Variants in TUBA8 observed in about 807,000 individuals in gnomAD.
TUBA8 encodes tubulin alpha 8.
TUBA8 carries 29 observed loss-of-function variants against 34.7 expected under a neutral mutation model. The ratio of observed to expected loss-of-function variants is 0.84; its 90% CI spans 0.62 to 1.14. The LOEUF (loss-of-function observed/expected upper bound fraction) is 1.14, where lower values mean the gene tolerates loss of function less well. Ranked by LOEUF, TUBA8 falls within the 50% of genes most tolerant of loss-of-function variation. The pLI is 0.00. For missense variants in TUBA8, 541 were observed against 599.2 expected, an observed-to-expected ratio of 0.90 and a Z score of 1.01; for synonymous variants, 226 against 231.2, an observed-to-expected ratio of 0.98 and a Z score of 0.21.
intron 4 of TUBA8, chr22:18,127,258 T>C: frequency 1.8e-6 from 1 of 553,254 alleles, no homozygotes. Context: ...TATTTTAAAT[T>C]GATTAATTGG....
At position 18,126,283 on chromosome 22, in the gene TUBA8, T is replaced by C; in HGVS notation, c.376-71T>C. 2 of 1,479,602 alleles carry C rather than the reference T, an allele frequency of 1.4e-6. No individual in the cohort carries two copies. Among genetic ancestry groups the C allele is most frequent in the Non-Finnish European group, 1.9e-6 (2 of 1,059,418 alleles). The allele number at this position is 1,479,602 out of a possible 1,614,324, so 91.7% of individuals were successfully genotyped here. ...TATGAGGCAGACAGAGTGGGCGGTC[T>C]GGCTTTTTTACTGTGGGGTGTTCTC... On this transcript the variant is annotated intron_variant, in intron 3 of 4. Coordinates refer to ENST00000330423, the MANE Select transcript of TUBA8 (RefSeq NM_018943.3). The surrounding 1 kb of genome is among the most constrained non-coding windows in gnomAD (Gnocchi z 4.0).
chr22:18,127,325 A>G (rs1323478855), intron 4 of TUBA8: 2 of 390,782 alleles, frequency 5.1e-6, no homozygotes, highest in African/African-American at 2.0e-5. Flanking sequence ...TATTGGCCCA[A>G]ATCTACTCAC....
Position 18,126,904 on chromosome 22 carries a change from A to AT in TUBA8, c.927dup (p.Gly310TrpfsTer111). 1.2e-6 allele frequency: 2 copies of AT among 1,612,218 alleles called. No homozygotes were observed. The highest frequency in any genetic ancestry group is 2.2e-5 in the South Asian group (2 of 90,832). Reference sequence around the variant, plus strand: ...CAGATGGTGAAGTGCGACCCGAGACATGGCAAGTACATGGCCTGCTGCATG... The same window carrying AT: ...CAGATGGTGAAGTGCGACCCGAGACATTGGCAAGTACATGGCCTGCTGCATG... On this transcript the variant is annotated frameshift_variant, in exon 4 of 5. Coordinates refer to ENST00000330423, the MANE Select transcript of TUBA8 (RefSeq NM_018943.3). LOFTEE classifies it high-confidence loss of function. The surrounding 1 kb of genome is among the most constrained non-coding windows in gnomAD (Gnocchi z 4.0).
chr22:18,126,663 C>T lies in TUBA8; in HGVS notation c.685C>T (p.Arg229Cys), dbSNP rs368024462. 22 of 1,614,058 alleles carry T rather than the reference C, an allele frequency of 1.4e-5. No homozygotes were observed. Among genetic ancestry groups the T allele is most frequent in the Middle Eastern group, 1.6e-4 (1 of 6,084 alleles). Residue 229 changes from arginine to cysteine, a missense_variant, in exon 4 of 5, where the codon CGC (arginine) becomes TGC (cysteine). Transcript: ENST00000330423. This position sits in a 1 kb window ranked among gnomAD's most constrained non-coding sequence, Gnocchi z 4.0. ...IERPTYTNLN[R>C]LISQIVSSIT... ...GCGCCCTACCTATACCAACCTCAAC[C>T]GCCTCATCAGTCAGATTGTGTCCTC...
chr22:18,115,107 G>C (rs540808854), intron 1 of TUBA8: 17 of 152,398 alleles, frequency 1.1e-4, no homozygotes, highest in Non-Finnish European at 2.1e-4. Flanking sequence ...ACAGGGCAGT[G>C]GCTCCCCAGG....
intron 4 of TUBA8, chr22:18,127,349 CTTTTGGTGTTCA>C: frequency 3.8e-6 from 1 of 260,838 alleles, no homozygotes; most frequent in Non-Finnish European, 7.1e-6. Context: ...AAGTACAGTG[CTTTTGGTGTTCA>C]TGATTTGGTT....
Position 18,121,832 on chromosome 22 carries a change from G to A in TUBA8, c.226+131G>A, listed in dbSNP as rs7289993. ...GTGCAACCGCAGCCTCCCACCCCAC[G>A]TGACATCTGTCAGCTCCTTGGGGTC... On this transcript the variant is annotated intron_variant, in intron 2 of 4. Coordinates refer to ENST00000330423, the MANE Select transcript of TUBA8 (RefSeq NM_018943.3). The surrounding 1 kb of genome is among the most constrained non-coding windows in gnomAD (Gnocchi z 4.8). The A allele has an allele frequency of 2.1e-3, 1,736 of 821,284 alleles. 14 individuals carry two copies. Among genetic ancestry groups the A allele is most frequent in the Middle Eastern group, 7.4e-3 (22 of 2,974 alleles). The allele number at this position is 821,284 out of a possible 1,614,324, so 50.9% of individuals were successfully genotyped here.
chr22:18,120,099 ACTGT>A (rs1436163494), intron 1 of TUBA8: 5 of 152,252 alleles, frequency 3.3e-5, no homozygotes, highest in African/African-American at 4.8e-5. Flanking sequence ...ACACACACAC[ACTGT>A]CTCTCTCCCC....
rs748848059 is a variant in TUBA8 at position 18,126,845 on chromosome 22, C to T, written c.867C>T (p.Ala289=). 14 of 1,612,356 alleles carry T rather than the reference C, an allele frequency of 8.7e-6. No homozygotes were observed. The highest frequency in any genetic ancestry group is 2.7e-5 in the African/African-American group (2 of 74,880). ...CCTATCACGAACAGCTCTCTGTGGC[C>T]GAGATAACCAGCTCCTGCTTTGAGC... is the stretch of plus-strand genomic sequence containing the variant. ...EKAYHEQLSV[A]EITSSCFEPN... is the part of the protein sequence containing the mutation. The change falls in exon 4 of 5, where the codon GCC becomes GCT. Residue 289 remains alanine (A), a synonymous_variant. Transcript: ENST00000330423. The surrounding 1 kb of genome is among the most constrained non-coding windows in gnomAD (Gnocchi z 4.0).
chr22:18,131,266 C>G lies in TUBA8; in HGVS notation c.*130C>G. 1 of 1,017,372 alleles carries G rather than the reference C, an allele frequency of 9.8e-7. No individual in the cohort carries two copies. Among genetic ancestry groups the G allele is most frequent in the Non-Finnish European group, 1.5e-6 (1 of 676,486 alleles). The allele number at this position is 1,017,372 out of a possible 1,614,324, so 63.0% of individuals were successfully genotyped here. On this transcript the variant is annotated 3_prime_UTR_variant, in exon 5 of 5. Coordinates refer to ENST00000330423, the MANE Select transcript of TUBA8 (RefSeq NM_018943.3). The surrounding 1 kb of genome is among the most constrained non-coding windows in gnomAD (Gnocchi z 5.3). ...TTACCCAGGAGGAGGGTGCCTGGCC[C>G]CAGTACCCAGGGTGGCACGACTGGG...
intron 1 of TUBA8, chr22:18,114,026 T>C (rs563175966): frequency 8.0e-6 from 1 of 125,766 alleles, no homozygotes; most frequent in South Asian, 2.5e-4. Context: ...GGGCCAGTGA[T>C]GGGGGTGGGC....
rs369904507 is a variant in TUBA8 at position 18,126,860 on chromosome 22, C to G, written c.882C>G (p.Ser294=). 1.6e-5 allele frequency: 26 copies of G among 1,611,878 alleles called. No individual in the cohort carries two copies. Among genetic ancestry groups the G allele is most frequent in the Non-Finnish European group, 2.2e-5 (26 of 1,178,766 alleles). The change falls in exon 4 of 5, where the codon TCC becomes TCG. Residue 294 remains serine (S), a synonymous_variant. Transcript: ENST00000330423. This position sits in a 1 kb window ranked among gnomAD's most constrained non-coding sequence, Gnocchi z 4.0. ...EQLSVAEITS[S]CFEPNSQMVK... is the part of the protein sequence containing the mutation. Reference sequence around the variant, plus strand: ...TCTCTGTGGCCGAGATAACCAGCTCCTGCTTTGAGCCCAACAGCCAGATGG... The same window carrying G: ...TCTCTGTGGCCGAGATAACCAGCTCGTGCTTTGAGCCCAACAGCCAGATGG...
At position 18,124,246 on chromosome 22, in the gene TUBA8, G is replaced by C; in HGVS notation, c.317G>C (p.Gly106Ala). The C allele has an allele frequency of 6.2e-7, 1 of 1,614,174 alleles. No individual in the cohort carries two copies. Among genetic ancestry groups the C allele is most frequent in the Non-Finnish European group, 8.5e-7 (1 of 1,180,026 alleles). ...GATGCAGCCAACAACTATGCCCGGG[G>C]CCACTACACGGTGGGCAAGGAGAGC... ...KEDAANNYAR[G>A]HYTVGKESID... The change falls in exon 3 of 5, where the codon GGC becomes GCC. Residue 106 changes from glycine (G) to alanine (A), a missense_variant. Gly to Ala is a moderately conservative substitution (Grantham distance 60). Transcript: ENST00000330423. This position sits in a 1 kb window ranked among gnomAD's most constrained non-coding sequence, Gnocchi z 4.3.
In TUBA8 at chr22:18,124,165, G is replaced by A. The variant is rs770124678; in HGVS notation, c.236G>A (p.Arg79Gln). Residue 79 changes from arginine to glutamine, a missense_variant, in exon 3 of 5, where the codon CGG becomes CAG. Coordinates refer to ENST00000330423, the MANE Select transcript of TUBA8 (RefSeq NM_018943.3). This position sits in a 1 kb window ranked among gnomAD's most constrained non-coding sequence, Gnocchi z 4.3. ...CTTCCTCTCTTGGAAGATGAGGTTC[G>A]GGCAGGAACCTACCGCCAGCTCTTC... ...DLEPTVVDEV[R>Q]AGTYRQLFHP... is the part of the protein sequence containing the mutation. 8 of 1,614,158 alleles carry A rather than the reference G, an allele frequency of 5.0e-6. No homozygotes were observed. The highest frequency in any genetic ancestry group is 6.8e-6 in the Non-Finnish European group (8 of 1,180,022).
chr22:18,119,763 G>C lies in TUBA8; in HGVS notation c.4-1716G>C, dbSNP rs903594450. 2 of 152,340 alleles carry C rather than the reference G, an allele frequency of 1.3e-5. No homozygotes were observed. Among genetic ancestry groups the C allele is most frequent in the African/African-American group, 2.4e-5 (1 of 41,456 alleles). The allele number at this position is 152,340 out of a possible 1,614,324, so 9.4% of individuals were successfully genotyped here. ...TCCTGATGCTCTGACCCCGCAAGAT[G>C]CTACTCAGGGCAGCTGCCCTGCTCT... is the stretch of plus-strand genomic sequence containing the variant. On this transcript the variant is annotated intron_variant, in intron 1 of 4. Coordinates refer to ENST00000330423, the MANE Select transcript of TUBA8 (RefSeq NM_018943.3). This position sits in a 1 kb window ranked among gnomAD's most constrained non-coding sequence, Gnocchi z 5.9.
At position 18,130,849 on chromosome 22, in the gene TUBA8, A is replaced by G; in HGVS notation, c.1063A>G (p.Ile355Val). The G allele has an allele frequency of 6.2e-7, 1 of 1,613,712 alleles. No individual in the cohort carries two copies. Among genetic ancestry groups the G allele is most frequent in the Non-Finnish European group, 8.5e-7 (1 of 1,179,974 alleles). ...DWCPTGFKVG[I>V]NYQPPTVVPG... is the part of the protein sequence containing the mutation. ...CTCTTTCTGTGTCCCTCAGGTGGGCATCAACTACCAGCCCCCGACCGTGGT... is the reference window on the plus strand; with the variant it reads ...CTCTTTCTGTGTCCCTCAGGTGGGCGTCAACTACCAGCCCCCGACCGTGGT... The change falls in exon 5 of 5, where the codon ATC becomes GTC. Residue 355 changes from isoleucine to valine, a missense_variant. Coordinates refer to ENST00000330423, the MANE Select transcript of TUBA8 (RefSeq NM_018943.3).
At position 18,119,702 on chromosome 22, in the gene TUBA8, G is replaced by T; in HGVS notation, c.4-1777G>T. 1 of 152,528 alleles carries T rather than the reference G, an allele frequency of 6.6e-6. No homozygotes were observed. The highest frequency in any genetic ancestry group is 1.5e-5 in the Non-Finnish European group (1 of 68,198). The allele number at this position is 152,528 out of a possible 1,614,324, so 9.4% of individuals were successfully genotyped here. A position where few individuals can be genotyped will look rare whatever the true frequency, so the allele number is the denominator to read the frequency against. The stretch of plus-strand genomic sequence containing the variant: ...GTAGCACAGAGACAGGACTAGAGTG[G>T]GGGCACAGTTGTAAAATTGAACTAG... On this transcript the variant is annotated intron_variant, in intron 1 of 4. Transcript: ENST00000330423. This position sits in a 1 kb window ranked among gnomAD's most constrained non-coding sequence, Gnocchi z 5.9.
Position 18,130,951 on chromosome 22 carries a change from G to A in TUBA8, c.1165G>A (p.Ala389Thr), listed in dbSNP as rs1458306660. The A allele has an allele frequency of 1.2e-6, 2 of 1,614,126 alleles. No individual in the cohort carries two copies. Among genetic ancestry groups the A allele is most frequent in the South Asian group, 2.2e-5 (2 of 91,080 alleles). ...CACCACGGCCATTGCGGAGGCCTGG[G>A]CCCGCCTCGACCACAAGTTCGACCT... ...SNTTAIAEAWARLDHKFDLMY... is the reference protein window; with the variant it reads ...SNTTAIAEAWTRLDHKFDLMY... Residue 389 changes from alanine (A) to threonine (T), a missense_variant, in exon 5 of 5, where the codon GCC becomes ACC. By Grantham distance (58) the Ala-to-Thr change is moderately conservative. Coordinates refer to ENST00000330423, the MANE Select transcript of TUBA8 (RefSeq NM_018943.3).
rs1266738636 is a variant in TUBA8 at position 18,131,646 on chromosome 22, A to G, written c.*510A>G. 1.1e-5 allele frequency: 2 copies of G among 180,564 alleles called. No individual in the cohort carries two copies. Among genetic ancestry groups the G allele is most frequent in the Non-Finnish European group, 2.4e-5 (2 of 84,886 alleles). 11.2% of individuals were successfully genotyped at this position (180,564 alleles called of 1,614,324 possible). ...TTCCAATACACACCCTGTCCTAGGC[A>G]CTGAGAGCTGGAGAGTTGGTGATAA... On this transcript the variant is annotated 3_prime_UTR_variant, in exon 5 of 5. Transcript: ENST00000330423. The surrounding 1 kb of genome is among the most constrained non-coding windows in gnomAD (Gnocchi z 5.3).
Sources: allele counts gnomAD v4.1 joint callset, GRCh38; gene constraint gnomAD v4.1.1; non-coding constraint Gnocchi (gnomAD v3.1); transcripts MANE v1.5; gene names NCBI Gene and HGNC (gene_info 2026-07-23, HGNC 2026-07-21).